The following APP variants were observed in gnomAD, a reference collection of about 807,000 sequenced individuals.
APP encodes the protein amyloid beta precursor protein.
In APP, 31 loss-of-function variants were observed where a neutral mutation model predicts 101.4. The ratio of observed to expected loss-of-function variants is 0.31; its 90% CI spans 0.23 to 0.41. The LOEUF is 0.41. Ranked by LOEUF, APP falls within the 10% of genes least tolerant of loss-of-function variation. APP has a pLI of 1.00. For missense variants in APP, 839 were observed against 1,003.7 expected (o/e 0.84, Z 2.22); for synonymous variants, 366 against 364.4 (o/e 1.00, Z -0.05).
intron 5 of APP, among the ~76,000 whole-genome samples, chr21:26,038,900 G>T (rs142146068): frequency 6.6e-6 from 1 of 152,106 alleles, no homozygotes. Context: ...AGCAAATACC[G>T]TGATACAGAT....
chr21:26,008,197 T>A (rs1355659879), intron 6 of APP, among the ~76,000 whole-genome samples: 1 of 152,108 alleles, frequency 6.6e-6, no homozygotes, highest in African/African-American at 2.4e-5. Context: ...AATTCTCATC[T>A]CTCCATGATG....
At chr21:26,127,873 GGAAAA>G (rs1052351425) in intron 1 of APP, among the ~76,000 whole-genome samples, 12 of 152,074 alleles carry the variant, frequency 7.9e-5, no homozygotes, top group African/African-American at 1.7e-4. Context: ...GCAGGAAGAG[GGAAAA>G]GAAAAGAAAA....
chr21:26,088,330 A>G (rs2061744523), intron 3 of APP, among the ~76,000 whole-genome samples: 1 of 152,256 alleles, frequency 6.6e-6, no homozygotes, highest in African/African-American at 2.4e-5. Flanking sequence ...TAGAATATGA[A>G]GCAGAAAAAT....
chr21:25,942,603 A>AC (rs1267208481), intron 13 of APP: 1 of 152,212 alleles, frequency 6.6e-6, no homozygotes, highest in East Asian at 1.9e-4. Flanking sequence ...TATTTGAGTA[A>AC]CAAAGATTGG....
chr21:26,085,833 T>C (rs970947037), intron 3 of APP, among the ~76,000 whole-genome samples: 16 of 152,366 alleles, frequency 1.1e-4, no homozygotes, highest in African/African-American at 1.4e-4. Flanking sequence ...AAAATTAATA[T>C]GAATTGAATA....
At chr21:25,982,999 T>TA (rs1555835825) in intron 8 of APP, among the ~76,000 whole-genome samples, 5 of 152,250 alleles carry the variant, frequency 3.3e-5, no homozygotes, top group African/African-American at 1.2e-4. Context: ...TGAGACAGTA[T>TA]GGAAACACGA....
At chr21:26,019,122 G>A (rs763720013) in intron 6 of APP, among the ~76,000 whole-genome samples, 1 of 152,196 alleles carries the variant, frequency 6.6e-6, no homozygotes, top group Non-Finnish European at 1.5e-5. Context: ...AACAGTACTA[G>A]CATCAAAACA....
chr21:26,026,565 A>G (rs2044585556), intron 5 of APP, among the ~76,000 whole-genome samples: 1 of 152,180 alleles, frequency 6.6e-6, no homozygotes, highest in Non-Finnish European at 1.5e-5. Flanking sequence ...TCACACACCA[A>G]TTTTCATTTC....
chr21:26,012,938 C>T (rs999904148), intron 6 of APP, among the ~76,000 whole-genome samples: 12 of 151,922 alleles, frequency 7.9e-5, no homozygotes, highest in Admixed American at 1.3e-4. Context: ...CAAGATCGTG[C>T]CACTGAATCC....
chr21:26,034,816 G>A (rs1394970289), intron 5 of APP, among the ~76,000 whole-genome samples: 1 of 152,068 alleles, frequency 6.6e-6, no homozygotes, highest in Non-Finnish European at 1.5e-5. Flanking sequence ...GCATTCTGCT[G>A]GATCCGAGGC....
chr21:25,964,188 A>G (rs970330883), intron 11 of APP, among the ~76,000 whole-genome samples: 2 of 152,160 alleles, frequency 1.3e-5, no homozygotes, highest in African/African-American at 4.8e-5. Context: ...TGTACTGAAC[A>G]TGACGCAGGA....
intron 5 of APP, among the ~76,000 whole-genome samples, chr21:26,023,513 T>C (rs374926926): frequency 0.033 from 3,581 of 110,046 alleles, 97 homozygotes; most frequent in African/African-American, 0.1. Context: ...GCATTCCAGC[T>C]AGGGAGACAA....
At position 25,997,384 on chromosome 21, in the gene APP, G is replaced by C. The variant is rs201792381; in HGVS notation, c.1066C>G (p.Pro356Ala). The C allele has an allele frequency of 3.1e-6, 5 of 1,613,908 alleles. No individual in the cohort carries two copies. The Admixed American group carries it at 8.3e-5, about 27-fold the overall frequency. ...CGTTTAACAGGATCTCGGGCAAGAG[G>C]TTCCTGGGTAGTCTTGAGTAAACTT... ...SQSLLKTTQE[P>A]LARDPVKLPT... Residue 356 changes from proline to alanine, a missense_variant, in exon 8 of 18, where the codon CCT becomes GCT. Pro to Ala is a conservative substitution (Grantham distance 27). Coordinates refer to ENST00000346798, the MANE Select transcript of APP (RefSeq NM_000484.4).
intron 1 of APP, among the ~76,000 whole-genome samples, chr21:26,140,788 C>G (rs1212600373): frequency 6.6e-6 from 1 of 152,240 alleles, no homozygotes; most frequent in Non-Finnish European, 1.5e-5. Context: ...TTCATAGACT[C>G]TCCCTTAAAC....
chr21:25,952,066 C>A (rs1329807715), intron 13 of APP, among the ~76,000 whole-genome samples: 4 of 151,932 alleles, frequency 2.6e-5, no homozygotes, highest in African/African-American at 4.8e-5. Flanking sequence ...ACCCAGGATT[C>A]CAAATGAAAG....
At chr21:26,121,885 C>T (rs2830066) in intron 1 of APP, among the ~76,000 whole-genome samples, 66,566 of 151,794 alleles carry the variant, frequency 0.44, 16,465 homozygotes, top group East Asian at 0.61. Flanking sequence ...CCACTCGGAA[C>T]GTAGAGCATG....
At chr21:25,901,573 AAT>A (rs1176294002) in intron 15 of APP, among the ~76,000 whole-genome samples, 6 of 152,188 alleles carry the variant, frequency 3.9e-5, no homozygotes, top group Non-Finnish European at 7.3e-5. Context: ...TAAAAGACAA[AAT>A]CAGTAAGCTG....
chr21:26,038,338 T>G (rs898783816), intron 5 of APP, among the ~76,000 whole-genome samples: 2 of 152,114 alleles, frequency 1.3e-5, no homozygotes, highest in African/African-American at 4.8e-5. Flanking sequence ...TTAAAATAAC[T>G]AATTAAAAAG....
intron 11 of APP, among the ~76,000 whole-genome samples, chr21:25,965,523 A>G (rs1287296132): frequency 1.3e-5 from 2 of 152,214 alleles, no homozygotes; most frequent in African/African-American, 4.8e-5. Flanking sequence ...GTTATGACCT[A>G]TTAGAAATTC....
Sources: gnomAD v4.1 joint callset for allele counts (sites outside exome capture counted in the v4.1 genomes callset) on GRCh38, gnomAD v4.1.1 for gene constraint, MANE v1.5 for transcripts, NCBI Gene and HGNC (gene_info 2026-07-23, HGNC 2026-07-21) for gene names.